The following PTPN21 variants were observed in gnomAD, a reference collection of about 807,000 sequenced individuals.
PTPN21 encodes protein tyrosine phosphatase non-receptor type 21.
Under a neutral mutation model 131.8 loss-of-function variants are expected in PTPN21, and 77 were observed. That is an observed-to-expected ratio of 0.58 (90% CI 0.49 to 0.71). The LOEUF (loss-of-function observed/expected upper bound fraction) is 0.71, where lower values mean the gene tolerates loss of function less well. PTPN21 is among the 30% of genes least tolerant of loss of function. The pLI is 0.00. For synonymous variants in PTPN21, 715 were observed against 621.3 expected (o/e 1.15, Z -2.24); for missense variants, 1,552 against 1,527.1 (o/e 1.02, Z -0.27).
At chr14:88,487,812 A>G (rs2077759682) in intron 10 of PTPN21, among the ~76,000 whole-genome samples, 1 of 152,066 alleles carries the variant, frequency 6.6e-6, no homozygotes, top group South Asian at 2.1e-4. Flanking sequence ...ATTAGTGCCC[A>G]CAAATTAGCC....
In PTPN21 at chr14:88,505,383, G is replaced by A; in HGVS notation, c.449-12C>T. The A allele has an allele frequency of 1.3e-6, 2 of 1,566,378 alleles. No homozygotes were observed. Among genetic ancestry groups the A allele is most frequent in the South Asian group, 1.2e-5 (1 of 85,860 alleles). On this transcript the variant is annotated splice_polypyrimidine_tract_variant and intron_variant, in intron 4 of 18. Transcript: ENST00000556564. ...GTCACCAAAATCCGCTATATAGAAT[G>A]ACAAACATTCACGTTAATTATATTT...
rs1316020498 is a variant in PTPN21 at position 88,465,958 on chromosome 14, C to A, written c.*2179G>T. The A allele has an allele frequency of 6.6e-6, 1 of 150,658 alleles. No individual in the cohort carries two copies. Among genetic ancestry groups the A allele is most frequent in the Non-Finnish European group, 1.5e-5 (1 of 68,006 alleles). 9.3% of individuals were successfully genotyped at this position (150,658 alleles called of 1,614,324 possible). A position where few individuals can be genotyped will look rare whatever the true frequency, so the allele number is the denominator to read the frequency against. Reference sequence around the variant, plus strand: ...TTATTACAACAGGAACACAAATAGACCACATATTACTCTTTAATTAGATTT... The same window carrying A: ...TTATTACAACAGGAACACAAATAGAACACATATTACTCTTTAATTAGATTT... On this transcript the variant is annotated 3_prime_UTR_variant, in exon 19 of 19. Transcript: ENST00000556564.
At chr14:88,484,188 G>T in intron 12 of PTPN21, among the ~76,000 whole-genome samples, 1 of 150,718 alleles carries the variant, frequency 6.6e-6, no homozygotes, top group Non-Finnish European at 1.5e-5. Context: ...GCTGGGACTG[G>T]AGGTGCATAC....
chr14:88,545,646 T>C (rs2078765462), intron 2 of PTPN21, among the ~76,000 whole-genome samples: 1 of 152,200 alleles, frequency 6.6e-6, no homozygotes, highest in African/African-American at 2.4e-5. Flanking sequence ...CGAACAGCAA[T>C]ATTTTCCTAA....
At chr14:88,518,386 G>GTGTGTGTATA (rs1259300832) in intron 2 of PTPN21, among the ~76,000 whole-genome samples, 2 of 9,706 alleles carry the variant, frequency 2.1e-4, no homozygotes, top group African/African-American at 4.8e-4. Flanking sequence ...GTGTGTGTGT[G>GTGTGTGTATA]TATATATATA....
At chr14:88,529,150 C>T (rs528352324) in intron 2 of PTPN21, among the ~76,000 whole-genome samples, 16 of 152,218 alleles carry the variant, frequency 1.1e-4, no homozygotes, top group African/African-American at 3.6e-4. Flanking sequence ...AGGTATGTCC[C>T]TTCTATGCCA....
chr14:88,504,630 T>G (rs1275799614), intron 5 of PTPN21, 135 bp from the exon 6 acceptor site: 4 of 629,248 alleles, frequency 6.4e-6, no homozygotes, highest in Non-Finnish European at 1.1e-5. Context: ...GGGAGCTTTG[T>G]TTACATAGGT....
intron 2 of PTPN21, among the ~76,000 whole-genome samples, chr14:88,542,028 C>A (rs566168141): frequency 6.6e-6 from 1 of 152,256 alleles, no homozygotes; most frequent in Admixed American, 6.5e-5. Flanking sequence ...TGCATCAGAT[C>A]TCAAAGGGGT....
At chr14:88,503,053 C>CTTTT (rs576430469) in intron 6 of PTPN21, among the ~76,000 whole-genome samples, 7 of 141,124 alleles carry the variant, frequency 5.0e-5, no homozygotes, top group African/African-American at 1.6e-4. Context: ...AAATCTTTTT[C>CTTTT]TTTTTTTTTT....
intron 2 of PTPN21, among the ~76,000 whole-genome samples, chr14:88,518,731 T>C (rs1245633353): frequency 6.6e-6 from 1 of 151,746 alleles, no homozygotes; most frequent in Non-Finnish European, 1.5e-5. Flanking sequence ...GCACCCAGCC[T>C]CATAATTAAT....
intron 2 of PTPN21, among the ~76,000 whole-genome samples, chr14:88,527,461 G>A (rs2078496070): frequency 6.6e-6 from 1 of 152,084 alleles, no homozygotes; most frequent in African/African-American, 2.4e-5. Flanking sequence ...CTTCTTTTGA[G>A]AATTGTCTAA....
Position 88,469,952 on chromosome 14 carries a change from AATT to A in PTPN21, c.2967_2969del (p.Ile990del). On this transcript the variant is annotated inframe_deletion, in exon 16 of 19. Coordinates refer to ENST00000556564, the MANE Select transcript of PTPN21 (RefSeq NM_007039.4). This position sits in a 1 kb window ranked among gnomAD's most constrained non-coding sequence, Gnocchi z 4.3. ...CTGCTGTCACCATTGCTATAATTGC[AATT>A]CCCTGTTCCCATACCATCTGCCAAA... 6.2e-7 allele frequency: 1 copy of A among 1,614,148 alleles called. No homozygotes were observed. Among genetic ancestry groups the A allele is most frequent in the Non-Finnish European group, 8.5e-7 (1 of 1,180,024 alleles).
At chr14:88,498,263 G>A (rs1450482385) in intron 8 of PTPN21, among the ~76,000 whole-genome samples, 7 of 151,244 alleles carry the variant, frequency 4.6e-5, no homozygotes, top group Non-Finnish European at 8.8e-5. Context: ...GCAACAGAAC[G>A]AGACTCTGTC....
chr14:88,545,208 T>C (rs1412363359), intron 2 of PTPN21, among the ~76,000 whole-genome samples: 3 of 152,240 alleles, frequency 2.0e-5, no homozygotes, highest in African/African-American at 7.2e-5. Context: ...TTCTGGTTTG[T>C]TCTGGTTCCC....
chr14:88,520,770 A>C (rs994420330), intron 2 of PTPN21, among the ~76,000 whole-genome samples: 1 of 152,210 alleles, frequency 6.6e-6, no homozygotes, highest in Admixed American at 6.6e-5. Context: ...AAATAAAGTA[A>C]TATCTCCCTC....
At position 88,546,575 on chromosome 14, in the gene PTPN21, C is replaced by CA. The variant is rs34657413; in HGVS notation, c.180+3662dup. ...TGGGCAAAAGAGTGAAACTCCATCTCAAAAAAAAAAAAAAAAAAAATTGTC... is the reference window on the plus strand; with the variant it reads ...TGGGCAAAAGAGTGAAACTCCATCTCAAAAAAAAAAAAAAAAAAAAATTGTC... On this transcript the variant is annotated intron_variant, in intron 2 of 18. Transcript: ENST00000556564. Among the ~76,000 whole-genome samples, 361 of 100,118 alleles carry CA rather than the reference C, an allele frequency of 3.6e-3. 1 individual carries two copies. The highest frequency in any genetic ancestry group is 5.1e-3 in the Non-Finnish European group (255 of 49,848). The allele number at this position is 100,118 out of a possible 152,430, so 65.7% of individuals were successfully genotyped here. A position where few individuals can be genotyped will look rare whatever the true frequency, so the allele number is the denominator to read the frequency against.
At chr14:88,485,278 T>C in intron 11 of PTPN21, 118 bp from the exon 12 acceptor site, 1 of 552,238 alleles carries the variant, frequency 1.8e-6, no homozygotes, top group Non-Finnish European at 3.1e-6. Context: ...AAATATATTA[T>C]ATATGGAAAA....
intron 2 of PTPN21, among the ~76,000 whole-genome samples, chr14:88,523,525 C>A (rs2078429907): frequency 6.6e-6 from 1 of 152,112 alleles, no homozygotes; most frequent in Admixed American, 6.6e-5. Flanking sequence ...AGCTTTCCCC[C>A]TAAGATCAGT....
rs2077394458 is a variant in PTPN21, at chr14:88,468,173, G to A, written c.3489C>T (p.Val1163=). 1 of 1,613,772 alleles carries A rather than the reference G, an allele frequency of 6.2e-7. No homozygotes were observed. Among genetic ancestry groups the A allele is most frequent in the East Asian group, 2.2e-5 (1 of 44,882 alleles). Residue 1163 remains valine (V), a synonymous_variant, in exon 19 of 19, where the codon GTC becomes GTT. Coordinates refer to ENST00000556564, the MANE Select transcript of PTPN21 (RefSeq NM_007039.4). ...TGGAGCTTTTCAGGAACTGGATGAG[G>A]ACTCTGTACACAAATGTGTACTGGC... ...TLCQYTFVYR[V]LIQFLKSSRL... is the part of the protein sequence containing the mutation.
Sources: allele counts gnomAD v4.1 joint callset (sites outside exome capture counted in the v4.1 genomes callset), GRCh38; gene constraint gnomAD v4.1.1; non-coding constraint Gnocchi (gnomAD v3.1); transcripts MANE v1.5; gene names NCBI Gene and HGNC (gene_info 2026-07-23, HGNC 2026-07-21).